SUCLA2: variants seen among roughly 807,000 people sequenced by gnomAD.
The protein encoded by SUCLA2 is succinate--CoA ligase [ADP-forming] subunit beta, mitochondrial.
SUCLA2 carries 30 observed loss-of-function variants against 54.8 expected under a neutral mutation model. The observed-to-expected ratio is 0.55, with a 90% confidence interval of 0.41 to 0.74. SUCLA2 has a LOEUF of 0.74. SUCLA2 is among the 30% of genes least tolerant of loss of function. The pLI, the probability that SUCLA2 is intolerant of heterozygous loss-of-function variation, is 0.00. For synonymous variants in SUCLA2, 172 were observed against 188.9 expected (o/e 0.91, Z 0.74); for missense variants, 476 against 562.9 (o/e 0.85, Z 1.56).
chr13:47,974,216 T>A (rs965340661), intron 4 of SUCLA2, among the ~76,000 whole-genome samples: 3 of 151,280 alleles, frequency 2.0e-5, no homozygotes, highest in African/African-American at 7.3e-5. Flanking sequence ...CACTAGAAAA[T>A]CCTGAAAACA....
At chr13:47,988,499 T>G (rs780911837) in intron 4 of SUCLA2, 42 bp downstream of exon 4, 39 of 1,602,876 alleles carry the variant, frequency 2.4e-5, no homozygotes, top group Non-Finnish European at 8.5e-7. Flanking sequence ...AAATTGAATG[T>G]CATAAATTTA....
intron 4 of SUCLA2, among the ~76,000 whole-genome samples, chr13:47,982,829 C>A (rs1950070030): frequency 6.6e-6 from 1 of 152,132 alleles, no homozygotes. Context: ...ACAGTGGAAA[C>A]TTAGTGTTTG....
chr13:47,994,920 A>C (rs1797715209), intron 2 of SUCLA2: 2 of 924,852 alleles, frequency 2.2e-6, no homozygotes, highest in Non-Finnish European at 2.6e-6. Flanking sequence ...AGTTTTTATA[A>C]GGCATAATCA....
intron 4 of SUCLA2, 114 bp downstream of exon 4, chr13:47,988,427 C>T (rs1432126161): frequency 3.2e-6 from 4 of 1,240,740 alleles, no homozygotes; most frequent in Middle Eastern, 2.3e-4. Flanking sequence ...GACATACAAA[C>T]AGATTATAAT....
chr13:47,947,094 A>T (rs1053945490), intron 10 of SUCLA2, among the ~76,000 whole-genome samples: 1 of 152,202 alleles, frequency 6.6e-6, no homozygotes, highest in Non-Finnish European at 1.5e-5. Flanking sequence ...ATCATACCAG[A>T]TAGAGGGCTT....
chr13:47,949,879 T>TG (rs2137688533), intron 8 of SUCLA2, among the ~76,000 whole-genome samples: 4 of 152,304 alleles, frequency 2.6e-5, no homozygotes, highest in Admixed American at 2.6e-4. Flanking sequence ...TTCCATTTAC[T>TG]TTCTCTTGTT....
chr13:47,948,129 T>C (rs1250919739), intron 10 of SUCLA2, among the ~76,000 whole-genome samples: 1 of 152,186 alleles, frequency 6.6e-6, no homozygotes, highest in Admixed American at 6.5e-5. Context: ...TGATGAAATG[T>C]ATGAAATGAT....
intron 9 of SUCLA2, 89 bp downstream of exon 9, chr13:47,949,394 T>C: frequency 6.8e-7 from 1 of 1,470,286 alleles, no homozygotes; most frequent in Non-Finnish European, 9.5e-7. Flanking sequence ...ACACAGCTAT[T>C]TAAAAACTAT....
At chr13:47,983,051 A>C (rs1950071812) in intron 4 of SUCLA2, among the ~76,000 whole-genome samples, 1 of 152,194 alleles carries the variant, frequency 6.6e-6, no homozygotes, top group South Asian at 2.1e-4. Flanking sequence ...CAAGTGCAGG[A>C]CTATGCTCTT....
intron 6 of SUCLA2, among the ~76,000 whole-genome samples, chr13:47,962,466 T>C (rs1949878055): frequency 6.6e-6 from 1 of 152,240 alleles, no homozygotes; most frequent in Admixed American, 6.5e-5. Context: ...GCAATGATTC[T>C]TGTCGCACTG....
rs1207369774 is a variant in SUCLA2, at chr13:47,982,607, C to G, written c.534+5934G>C. 2.0e-5 allele frequency among the ~76,000 whole-genome samples: 3 copies of G among 151,964 alleles called. No homozygotes were observed. The East Asian group carries it at 5.8e-4, about 29-fold the overall frequency. ...AGAGAAATTAACATTCTCCTTCCTT[C>G]CTCTCTCCCTCCTTCCTTCCTTCCT... On this transcript the variant is annotated intron_variant, in intron 4 of 10. Transcript: ENST00000646932.
At chr13:47,945,021 G>A (rs1487020786) in intron 10 of SUCLA2, among the ~76,000 whole-genome samples, 1 of 152,004 alleles carries the variant, frequency 6.6e-6, no homozygotes, top group South Asian at 2.1e-4. Flanking sequence ...GGAGGCCGAG[G>A]CAGGTGGATC....
At chr13:47,971,717 A>G (rs887885105) in intron 5 of SUCLA2, 21 of 392,152 alleles carry the variant, frequency 5.4e-5, no homozygotes, top group Non-Finnish European at 7.2e-5. Context: ...CCACAGCTCT[A>G]TTATGGAGAT....
chr13:47,943,762 G>GTATATATATATATATATA (rs1419922780), intron 10 of SUCLA2, among the ~76,000 whole-genome samples: 131 of 133,324 alleles, frequency 9.8e-4, no homozygotes, highest in African/African-American at 3.9e-3. Flanking sequence ...GTGTGTGTGT[G>GTATATATATATATATATA]TGTGTATATA....
chr13:47,944,877 C>T (rs1383129856), intron 10 of SUCLA2, among the ~76,000 whole-genome samples: 1 of 152,068 alleles, frequency 6.6e-6, no homozygotes, highest in Non-Finnish European at 1.5e-5. Context: ...AATCCCAGCA[C>T]TTTGGAAGGC....
chr13:47,968,824 A>G, intron 5 of SUCLA2, 91 bp from the exon 6 acceptor site: 2 of 1,373,618 alleles, frequency 1.5e-6, no homozygotes, highest in Non-Finnish European at 2.0e-6. Flanking sequence ...TATCACTTAA[A>G]TGATAAACAT....
chr13:47,954,211 G>C lies in SUCLA2; in HGVS notation c.1036C>G (p.Leu346Val). 1 of 1,613,858 alleles carries C rather than the reference G, an allele frequency of 6.2e-7. No homozygotes were observed. Among genetic ancestry groups the C allele is most frequent in the Non-Finnish European group, 8.5e-7 (1 of 1,179,854 alleles). Residue 346 changes from leucine (L) to valine (V), a missense_variant, in exon 8 of 11, where the codon CTT becomes GTT. Leu to Val is a conservative substitution (Grantham distance 32). Around this residue, in one of 2 missense-constraint regions of SUCLA2, gnomAD observed 342 missense variants for 444.2 expected, o/e 0.77. Transcript: ENST00000646932. ...KLHGGTPANF[L>V]DVGGGATVHQ... ...ACTGTAGCACCACCACCAACATCAA[G>C]GAAGTTGGCTGGAGTCCCTCCATGA...
At chr13:47,957,995 C>T (rs1949835811) in intron 6 of SUCLA2, among the ~76,000 whole-genome samples, 1 of 152,080 alleles carries the variant, frequency 6.6e-6, no homozygotes, top group Non-Finnish European at 1.5e-5. Flanking sequence ...TACACTTTTG[C>T]AATACTGTTT....
intron 4 of SUCLA2, among the ~76,000 whole-genome samples, chr13:47,982,097 G>T (rs996707972): frequency 6.6e-6 from 1 of 152,094 alleles, no homozygotes; most frequent in African/African-American, 2.4e-5. Context: ...CCACTTCTAG[G>T]TATACATCCA....
Sources: gnomAD v4.1 joint callset for allele counts (sites outside exome capture counted in the v4.1 genomes callset) on GRCh38, gnomAD v4.1.1 for gene constraint, gnomAD v4.1.1 regional missense constraint, MANE v1.5 for transcripts, NCBI Gene and HGNC (gene_info 2026-07-23, HGNC 2026-07-21) for gene names.